The following AK4 variants were observed in gnomAD, a reference collection of about 807,000 sequenced individuals.
AK4 encodes the protein adenylate kinase 4.
In AK4, 13 loss-of-function variants were observed where a neutral mutation model predicts 24.6. The observed-to-expected ratio is 0.53, with a 90% confidence interval of 0.34 to 0.84. The LOEUF (loss-of-function observed/expected upper bound fraction) is 0.84. Ranked by LOEUF, AK4 falls within the 40% of genes least tolerant of loss-of-function variation. The probability of loss-of-function intolerance (pLI) is 0.01; values close to 1 mark genes in which losing one functional copy is unlikely to be tolerated. For missense variants in AK4, 192 were observed against 288.2 expected, an observed-to-expected ratio of 0.67 and a Z score of 2.42; for synonymous variants, 88 against 107.0, an observed-to-expected ratio of 0.82 and a Z score of 1.10.
At chr1:65,216,823 G>A (rs1652148129) in intron 2 of AK4, among the ~76,000 whole-genome samples, 2 of 127,054 alleles carry the variant, frequency 1.6e-5, no homozygotes, top group Non-Finnish European at 3.0e-5. Flanking sequence ...AGCTTCCCAA[G>A]TACCTGTAAC....
intron 1 of AK4, among the ~76,000 whole-genome samples, chr1:65,166,310 C>CTG (rs34870729): frequency 0.096 from 13,745 of 142,726 alleles, 778 homozygotes; most frequent in African/African-American, 0.17. Flanking sequence ...GGGATTTAAG[C>CTG]TGTGTGTGTG....
intron 1 of AK4, among the ~76,000 whole-genome samples, chr1:65,183,303 T>C (rs1390295536): frequency 6.6e-6 from 1 of 152,098 alleles, no homozygotes; most frequent in African/African-American, 2.4e-5. Flanking sequence ...CAAGCTGGAG[T>C]GAAGTGGCGT....
chr1:65,189,765 AT>A (rs1651233522), intron 1 of AK4, among the ~76,000 whole-genome samples: 1 of 151,882 alleles, frequency 6.6e-6, no homozygotes, highest in Non-Finnish European at 1.5e-5. Flanking sequence ...CATATAGGAA[AT>A]TAATGTTTTA....
At chr1:65,154,001 T>C (rs1367056110) in intron 1 of AK4, among the ~76,000 whole-genome samples, 1 of 152,128 alleles carries the variant, frequency 6.6e-6, no homozygotes, top group African/African-American at 2.4e-5. Context: ...CTGGTAAGGA[T>C]TGGATTTTAT....
intron 1 of AK4, among the ~76,000 whole-genome samples, chr1:65,158,683 T>A (rs1258191592): frequency 6.6e-6 from 1 of 152,106 alleles, no homozygotes; most frequent in Non-Finnish European, 1.5e-5. Context: ...TTTTTTGCAT[T>A]TTTAGTGGAG....
intron 2 of AK4, among the ~76,000 whole-genome samples, chr1:65,211,708 G>T (rs1311418918): frequency 6.6e-6 from 1 of 152,186 alleles, no homozygotes; most frequent in South Asian, 2.1e-4. Context: ...CACTTACTGT[G>T]TGCAAAGCAC....
chr1:65,186,478 A>T (rs1651104653), intron 1 of AK4, among the ~76,000 whole-genome samples: 1 of 152,166 alleles, frequency 6.6e-6, no homozygotes, highest in Non-Finnish European at 1.5e-5. Context: ...CTATATTTTA[A>T]GCACTGAGGA....
At chr1:65,148,637 G>T in intron 1 of AK4, 85 bp downstream of exon 1, 3 of 1,426,662 alleles carry the variant, frequency 2.1e-6, no homozygotes, top group Non-Finnish European at 1.8e-6. Flanking sequence ...CCCGGATCAC[G>T]GCGCCCTTCC....
chr1:65,161,096 CAT>C (rs1491546794), intron 1 of AK4, among the ~76,000 whole-genome samples: 1 of 151,964 alleles, frequency 6.6e-6, no homozygotes, highest in Admixed American at 6.6e-5. Flanking sequence ...GTCCCTAAAA[CAT>C]TTTTTTTTAA....
rs115196474 is a variant in AK4 at position 65,203,524 on chromosome 1, C to T, written c.265+12695C>T. 3.9e-3 allele frequency among the ~76,000 whole-genome samples: 587 copies of T among 152,244 alleles called. 6 individuals are homozygous for T. The highest frequency in any genetic ancestry group is 0.014 in the African/African-American group (567 of 41,526). ...CAAAGCATAAAACCACCCCTCTTGG[C>T]CTGGCGCGATGGCTCACATCTGTAA... On this transcript the variant is annotated intron_variant, in intron 2 of 4. Coordinates refer to ENST00000327299, the MANE Select transcript of AK4 (RefSeq NM_013410.4).
Position 65,204,619 on chromosome 1 carries a change from A to G in AK4, c.265+13790A>G, listed in dbSNP as rs1432483646. On this transcript the variant is annotated intron_variant, in intron 2 of 4. Coordinates refer to ENST00000327299, the MANE Select transcript of AK4 (RefSeq NM_013410.4). ...TATTAATTCCTGTGAGAGCTCTTCA[A>G]CATTATAAAAGCCACTGGGAGACTG... 2.0e-5 allele frequency among the ~76,000 whole-genome samples: 3 copies of G among 152,198 alleles called. No homozygotes were observed. The East Asian group carries it at 5.8e-4, about 29-fold the overall frequency.
Position 65,213,782 on chromosome 1 carries a change from G to GC in AK4, c.266-4965dup, listed in dbSNP as rs892675826. Among the ~76,000 whole-genome samples the GC allele has an allele frequency of 9.9e-5, 15 of 152,112 alleles. 1 individual carries two copies. The highest frequency in any genetic ancestry group is 5.9e-4 in the Admixed American group (9 of 15,270). On this transcript the variant is annotated intron_variant, in intron 2 of 4. Coordinates refer to ENST00000327299, the MANE Select transcript of AK4 (RefSeq NM_013410.4). ...GAATTCCTGTGTTGAAGCCCTAACTGCCCCCCCAGTACCTCAGATTGTGAC... is the reference window on the plus strand; with the variant it reads ...GAATTCCTGTGTTGAAGCCCTAACTGCCCCCCCCAGTACCTCAGATTGTGAC...
At chr1:65,219,856 T>C (rs1652244713) in intron 3 of AK4, among the ~76,000 whole-genome samples, 1 of 152,226 alleles carries the variant, frequency 6.6e-6, no homozygotes, top group Non-Finnish European at 1.5e-5. Context: ...CAGAATAGTT[T>C]CATGGTCTTA....
At chr1:65,171,091 G>T (rs1320768861) in intron 1 of AK4, among the ~76,000 whole-genome samples, 1 of 150,064 alleles carries the variant, frequency 6.7e-6, no homozygotes, top group Non-Finnish European at 1.5e-5. Flanking sequence ...GAGTAGCTCG[G>T]ACTACAGGCA....
chr1:65,217,641 G>A (rs1652171939), intron 2 of AK4, among the ~76,000 whole-genome samples: 1 of 152,118 alleles, frequency 6.6e-6, no homozygotes, highest in African/African-American at 2.4e-5. Context: ...ATTTAAACAG[G>A]TCAATCTCTG....
intron 1 of AK4, among the ~76,000 whole-genome samples, chr1:65,162,661 TGA>T (rs1315989984): frequency 1.3e-5 from 2 of 151,358 alleles, no homozygotes; most frequent in Non-Finnish European, 2.9e-5. Context: ...GCTAACACGG[TGA>T]AACACCAACT....
At chr1:65,217,661 G>A (rs1652172476) in intron 2 of AK4, among the ~76,000 whole-genome samples, 1 of 152,152 alleles carries the variant, frequency 6.6e-6, no homozygotes, top group Non-Finnish European at 1.5e-5. Context: ...GAAGAAAAGT[G>A]TAATTTGGGG....
At chr1:65,157,959 C>CA (rs1650033655) in intron 1 of AK4, among the ~76,000 whole-genome samples, 1 of 152,146 alleles carries the variant, frequency 6.6e-6, no homozygotes, top group Non-Finnish European at 1.5e-5. Flanking sequence ...TGGTCATTGT[C>CA]ACAGCATACC....
chr1:65,169,111 G>C (rs1256579997), intron 1 of AK4, among the ~76,000 whole-genome samples: 2 of 151,016 alleles, frequency 1.3e-5, no homozygotes, highest in African/African-American at 4.9e-5. Flanking sequence ...AGGAGTTCAA[G>C]GATACAGTGA....
Sources: allele counts gnomAD v4.1 joint callset (sites outside exome capture counted in the v4.1 genomes callset), GRCh38; gene constraint gnomAD v4.1.1; transcripts MANE v1.5; gene names NCBI Gene and HGNC (gene_info 2026-07-23, HGNC 2026-07-21).